ABHD12B: variants seen among roughly 807,000 people sequenced by gnomAD.
The protein encoded by ABHD12B is protein ABHD12B.
ABHD12B carries 42 observed loss-of-function variants against 50.4 expected under a neutral mutation model. The ratio of observed to expected loss-of-function variants is 0.83; its 90% CI spans 0.65 to 1.08. The LOEUF (loss-of-function observed/expected upper bound fraction) is 1.08, where lower values mean the gene tolerates loss of function less well. Ranked by LOEUF, ABHD12B falls within the 50% of genes least tolerant of loss-of-function variation. The probability of loss-of-function intolerance (pLI) is 0.00; values close to 1 mark genes in which losing one functional copy is unlikely to be tolerated. For synonymous variants in ABHD12B, 167 were observed against 160.3 expected (o/e 1.04, Z -0.32); for missense variants, 479 against 447.7 (o/e 1.07, Z -0.63).
chr14:50,872,667 G>A (rs1329058265), intron 1 of ABHD12B, among the ~76,000 whole-genome samples: 4 of 152,202 alleles, frequency 2.6e-5, no homozygotes, highest in African/African-American at 9.6e-5. Context: ...AGTAATATAT[G>A]TTGTAATCTT....
chr14:50,881,121 C>T (rs1274326097), intron 4 of ABHD12B, among the ~76,000 whole-genome samples: 2 of 152,206 alleles, frequency 1.3e-5, no homozygotes, highest in African/African-American at 4.8e-5. Context: ...CGCTCTGTAA[C>T]AAAGAACGTC....
intron 5 of ABHD12B, among the ~76,000 whole-genome samples, chr14:50,883,942 C>T (rs1302143039): frequency 7.8e-5 from 1 of 12,838 alleles, no homozygotes; most frequent in Non-Finnish European, 4.8e-4. Context: ...TTATAAAAGG[C>T]TTTTGTTACT....
At chr14:50,892,292 T>C (rs1403357317) in intron 9 of ABHD12B, 4 of 444,854 alleles carry the variant, frequency 9.0e-6, no homozygotes, top group Admixed American at 6.4e-5. Context: ...GTGTGTTTGA[T>C]TTATTGAGGA....
Position 50,904,533 on chromosome 14 carries a change from T to A in ABHD12B, c.*167T>A. The stretch of plus-strand genomic sequence containing the variant: ...AACAGAAAGTACGAATGTTAGGCAG[T>A]ATGGAATGTTCTTATTTAGCTTATC... On this transcript the variant is annotated 3_prime_UTR_variant, in exon 13 of 13. Transcript: ENST00000337334. 1.2e-6 allele frequency: 1 copy of A among 803,574 alleles called. No individual in the cohort carries two copies. The highest frequency in any genetic ancestry group is 2.0e-6 in the Non-Finnish European group (1 of 493,738). 49.8% of individuals were successfully genotyped at this position (803,574 alleles called of 1,614,324 possible).
At chr14:50,892,915 C>G (rs1466332230) in intron 9 of ABHD12B, 4 of 152,118 alleles carry the variant, frequency 2.6e-5, no homozygotes, top group African/African-American at 9.7e-5. Context: ...AAGTATGATT[C>G]ATAACTTCTA....
At chr14:50,880,391 C>A in intron 3 of ABHD12B, 61 bp from the exon 4 acceptor site, 2 of 1,493,500 alleles carry the variant, frequency 1.3e-6, no homozygotes, top group Non-Finnish European at 1.8e-6. Context: ...AGACTTTCGG[C>A]CTTTGGAAAG....
chr14:50,896,679 A>T (rs1393104005), intron 9 of ABHD12B, among the ~76,000 whole-genome samples: 3 of 149,872 alleles, frequency 2.0e-5, no homozygotes, highest in Non-Finnish European at 4.4e-5. Flanking sequence ...GCACCTTGTG[A>T]CCCCCGCCCC....
chr14:50,892,435 C>G lies in ABHD12B; in HGVS notation c.780+3532C>G, dbSNP rs980584225. 3 of 985,352 alleles carry G rather than the reference C, an allele frequency of 3.0e-6. No individual in the cohort carries two copies. The East Asian group carries it at 3.4e-4, about 112-fold the overall frequency. The allele number at this position is 985,352 out of a possible 1,614,324, so 61.0% of individuals were successfully genotyped here. ...TCAGGCGGGGTGCTAAGCTTTGAAG[C>G]AAAGGGCCTGTTGTTTCTGCCCTCC... On this transcript the variant is annotated intron_variant, in intron 9 of 12. Transcript: ENST00000337334.
intron 5 of ABHD12B, 132 bp downstream of exon 5, chr14:50,881,758 C>G: frequency 9.4e-7 from 1 of 1,064,096 alleles, no homozygotes; most frequent in Non-Finnish European, 1.4e-6. Flanking sequence ...GTTGTGGTGT[C>G]TGGGGCTCAA....
At chr14:50,876,502 T>A (rs2049865594) in intron 1 of ABHD12B, among the ~76,000 whole-genome samples, 1 of 152,214 alleles carries the variant, frequency 6.6e-6, no homozygotes, top group South Asian at 2.1e-4. Flanking sequence ...GGGACCCTGC[T>A]GAGAGGGCTA....
At chr14:50,884,217 A>G (rs2050001649) in intron 5 of ABHD12B, among the ~76,000 whole-genome samples, 1 of 152,202 alleles carries the variant, frequency 6.6e-6, no homozygotes, top group African/African-American at 2.4e-5. Context: ...TTTCCTAGAA[A>G]TGAATTCTTA....
Position 50,904,208 on chromosome 14 carries a change from C to T in ABHD12B, c.1061+16C>T. On this transcript the variant is annotated intron_variant, in intron 12 of 12. Transcript: ENST00000337334. ...TAACCGTGAGGTAAGAGTTGCTTTG[C>T]TAAATGTATGTTGCCCTTCAAGGCA... 1 of 1,613,642 alleles carries T rather than the reference C, an allele frequency of 6.2e-7. No individual in the cohort carries two copies. The highest frequency in any genetic ancestry group is 8.5e-7 in the Non-Finnish European group (1 of 1,179,558).
chr14:50,882,671 C>T (rs1406898001), intron 5 of ABHD12B, among the ~76,000 whole-genome samples: 4 of 152,008 alleles, frequency 2.6e-5, no homozygotes, highest in Non-Finnish European at 4.4e-5. Flanking sequence ...TGAGCCACCG[C>T]GCCCACCCAG....
At chr14:50,889,552 C>A (rs866485476) in intron 9 of ABHD12B, among the ~76,000 whole-genome samples, 1 of 152,170 alleles carries the variant, frequency 6.6e-6, no homozygotes, top group Non-Finnish European at 1.5e-5. Context: ...GCAGGAGAGT[C>A]GCTTGAACCC....
chr14:50,896,225 T>C (rs1009428476), intron 9 of ABHD12B, among the ~76,000 whole-genome samples: 1 of 152,190 alleles, frequency 6.6e-6, no homozygotes, highest in African/African-American at 2.4e-5. Context: ...TGCTACAGCA[T>C]GGCCTTTTAA....
intron 9 of ABHD12B, chr14:50,891,733 T>G (rs2050122576): frequency 6.6e-6 from 1 of 152,232 alleles, no homozygotes; most frequent in Non-Finnish European, 1.5e-5. Flanking sequence ...GATTTTTGTA[T>G]GGAGGCAGGG....
chr14:50,892,590 T>A (rs1025058982), intron 9 of ABHD12B: 3 of 985,232 alleles, frequency 3.0e-6, no homozygotes, highest in Non-Finnish European at 3.6e-6. Flanking sequence ...GTCAGTCTTT[T>A]CAAAGAACCA....
At chr14:50,878,486 A>G (rs910737402) in intron 2 of ABHD12B, among the ~76,000 whole-genome samples, 1 of 152,224 alleles carries the variant, frequency 6.6e-6, no homozygotes, top group Non-Finnish European at 1.5e-5. Flanking sequence ...AGACAAGGAT[A>G]AGGATTGAAT....
At chr14:50,890,262 G>C (rs2050100064) in intron 9 of ABHD12B, among the ~76,000 whole-genome samples, 2 of 152,078 alleles carry the variant, frequency 1.3e-5, no homozygotes, top group South Asian at 4.1e-4. Flanking sequence ...TTAAAAATGT[G>C]TTAATGTTGA....
Sources: allele counts gnomAD v4.1 joint callset (sites outside exome capture counted in the v4.1 genomes callset), GRCh38; gene constraint gnomAD v4.1.1; transcripts MANE v1.5; gene names NCBI Gene and HGNC (gene_info 2026-07-23, HGNC 2026-07-21).